Variants in SEMA4D observed in about 807,000 individuals in gnomAD.
SEMA4D encodes semaphorin 4D.
A neutral mutation model predicts 74.8 loss-of-function variants in SEMA4D; 22 were observed. The ratio of observed to expected loss-of-function variants is 0.29; its 90% CI spans 0.21 to 0.42. The LOEUF (loss-of-function observed/expected upper bound fraction) is 0.42, where lower values mean the gene tolerates loss of function less well. Ranked by LOEUF, SEMA4D falls within the 10% of genes least tolerant of loss-of-function variation. The pLI is 1.00. For synonymous variants in SEMA4D, 445 were observed against 463.7 expected (o/e 0.96, Z 0.52); for missense variants, 937 against 1,118.4 (o/e 0.84, Z 2.31).
intron 1 of SEMA4D, among the ~76,000 whole-genome samples, chr9:89,477,785 A>G (rs1862143329): frequency 6.6e-6 from 1 of 152,222 alleles, no homozygotes; most frequent in South Asian, 2.1e-4. Flanking sequence ...GAGCAATAAA[A>G]ATGCCATTAA....
intron 2 of SEMA4D, among the ~76,000 whole-genome samples, chr9:89,435,877 G>A (rs1564777668): frequency 6.6e-6 from 1 of 152,216 alleles, no homozygotes; most frequent in African/African-American, 2.4e-5. Context: ...TAAAGGAAGG[G>A]CATGAACACT....
At chr9:89,371,035 TGTG>T (rs1475366210) in intron 16 of SEMA4D, among the ~76,000 whole-genome samples, 17 of 99,242 alleles carry the variant, frequency 1.7e-4, no homozygotes, top group African/African-American at 6.9e-4. Flanking sequence ...TGGGGTGGGG[TGTG>T]GTGTGTGTCA....
intron 2 of SEMA4D, among the ~76,000 whole-genome samples, chr9:89,430,913 G>A (rs1193222069): frequency 6.6e-6 from 1 of 152,174 alleles, no homozygotes; most frequent in Non-Finnish European, 1.5e-5. Flanking sequence ...GGAGGCGGAG[G>A]CTGCAGTGAG....
intron 1 of SEMA4D, among the ~76,000 whole-genome samples, chr9:89,465,534 CTT>C (rs1354728527): frequency 6.6e-6 from 1 of 152,120 alleles, no homozygotes; most frequent in Non-Finnish European, 1.5e-5. Flanking sequence ...CTGGAAATGT[CTT>C]GGAGCTAGAG....
At chr9:89,487,667 A>G (rs950144557) in intron 1 of SEMA4D, among the ~76,000 whole-genome samples, 1 of 152,220 alleles carries the variant, frequency 6.6e-6, no homozygotes, top group African/African-American at 2.4e-5. Flanking sequence ...GCGACTTAGC[A>G]AGGTTCACAG....
intron 2 of SEMA4D, among the ~76,000 whole-genome samples, chr9:89,434,559 G>A (rs4330779): frequency 0.17 from 25,156 of 152,136 alleles, 2,660 homozygotes; most frequent in Middle Eastern, 0.26. Flanking sequence ...CACCACCAGC[G>A]TAGCACCTTC....
At chr9:89,374,630 G>C (rs79618470), downstream of SEMA4D, among the ~76,000 whole-genome samples, 2 of 152,192 alleles carry the variant, frequency 1.3e-5, no homozygotes, top group African/African-American at 4.8e-5. Context: ...AATATCTGGG[G>C]TGGTTTCTGT....
chr9:89,453,899 C>G (rs1855268725), intron 2 of SEMA4D, among the ~76,000 whole-genome samples: 1 of 150,464 alleles, frequency 6.6e-6, no homozygotes, highest in Non-Finnish European at 1.5e-5. Flanking sequence ...GCTCTGTCGC[C>G]CAGGCTGGAG....
chr9:89,374,173 G>A (rs1464032066), downstream of SEMA4D, among the ~76,000 whole-genome samples: 1 of 152,224 alleles, frequency 6.6e-6, no homozygotes, highest in African/African-American at 2.4e-5. Context: ...GGGGGTGGCG[G>A]AGGGCTGGGG....
chr9:89,373,444 C>T (rs9695900), downstream of SEMA4D, among the ~76,000 whole-genome samples: 1 of 152,144 alleles, frequency 6.6e-6, no homozygotes, highest in Non-Finnish European at 1.5e-5. Flanking sequence ...AGACCCAGTC[C>T]CCAAGTGCAA....
chr9:89,477,125 C>T (rs1861943069), intron 1 of SEMA4D, among the ~76,000 whole-genome samples: 1 of 152,134 alleles, frequency 6.6e-6, no homozygotes, highest in Admixed American at 6.5e-5. Context: ...GAAGAGACTC[C>T]TAAATCCAAG....
intron 1 of SEMA4D, among the ~76,000 whole-genome samples, chr9:89,497,635 G>C (rs1826137452): frequency 6.6e-6 from 1 of 151,770 alleles, no homozygotes; most frequent in South Asian, 2.1e-4. Context: ...AACCGGGAAG[G>C]GGAGAAGGCC....
At chr9:89,404,701 C>T (rs1842909792) in intron 3 of SEMA4D, among the ~76,000 whole-genome samples, 1 of 150,618 alleles carries the variant, frequency 6.6e-6, no homozygotes, top group Non-Finnish European at 1.5e-5. Context: ...CGTCCCCAGC[C>T]ACCCACCGCA....
At chr9:89,384,599 A>T in intron 13 of SEMA4D, 1 of 919,202 alleles carries the variant, frequency 1.1e-6, no homozygotes, top group Non-Finnish European at 1.3e-6. Context: ...TCTTAATGCC[A>T]CTGACGTGCA....
intron 1 of SEMA4D, among the ~76,000 whole-genome samples, chr9:89,478,929 G>A (rs1862468642): frequency 6.6e-6 from 1 of 152,194 alleles, no homozygotes; most frequent in South Asian, 2.1e-4. Context: ...GCGGGCCCCA[G>A]CTTCAGTCAG....
At chr9:89,363,216 G>A (rs1051707117) in intron 18 of SEMA4D, among the ~76,000 whole-genome samples, 3 of 152,198 alleles carry the variant, frequency 2.0e-5, no homozygotes, top group Non-Finnish European at 2.9e-5. Context: ...TTAAGGGCTG[G>A]GGCCAGATGC....
At chr9:89,433,547 TGTGCACAG>T (rs1364979907) in intron 2 of SEMA4D, among the ~76,000 whole-genome samples, 9 of 152,230 alleles carry the variant, frequency 5.9e-5, no homozygotes, top group African/African-American at 2.2e-4. Context: ...AGAGAGGGAC[TGTGCACAG>T]GCACAGTAGG....
rs140803235 is a variant in SEMA4D, at chr9:89,494,818, C to T, written c.-310+3101G>A. Among the ~76,000 whole-genome samples the T allele has an allele frequency of 3.0e-3, 455 of 152,218 alleles. 2 individuals carry two copies. Among genetic ancestry groups the T allele is most frequent in the African/African-American group, 0.01 (430 of 41,514 alleles). On this transcript the variant is annotated intron_variant, in intron 1 of 15. Coordinates refer to ENST00000422704, the MANE Select transcript of SEMA4D (RefSeq NM_001371194.2). ...ACCCCACACTAATCTGAGGCAGATC[C>T]CAAACATCATTTCATCTACCAACAC...
intron 13 of SEMA4D, among the ~76,000 whole-genome samples, chr9:89,383,574 A>T (rs1291317188): frequency 6.6e-6 from 1 of 152,064 alleles, no homozygotes; most frequent in African/African-American, 2.4e-5. Context: ...CTGAGCCAGG[A>T]ATGTGGTGGG....
Sources: gnomAD v4.1 joint callset for allele counts (sites outside exome capture counted in the v4.1 genomes callset) on GRCh38, gnomAD v4.1.1 for gene constraint, MANE v1.5 for transcripts, NCBI Gene and HGNC (gene_info 2026-07-23, HGNC 2026-07-21) for gene names.